The following SEMA6D variants were observed in gnomAD, a reference collection of about 807,000 sequenced individuals.
SEMA6D encodes semaphorin-6D.
In SEMA6D, 35 loss-of-function variants were observed where a neutral mutation model predicts 106.6. That is an observed-to-expected ratio of 0.33 (90% CI 0.25 to 0.44). The LOEUF (loss-of-function observed/expected upper bound fraction) is 0.44, where lower values mean the gene tolerates loss of function less well. Among genes scored for constraint, SEMA6D ranks in the 20% least tolerant of loss-of-function variants. SEMA6D has a pLI of 1.00. For missense variants in SEMA6D, 1,185 were observed against 1,345.9 expected (o/e 0.88, Z 1.87); for synonymous variants, 499 against 487.7 (o/e 1.02, Z -0.31).
At chr15:47,233,882 C>CT (rs958087080) in intron 1 of SEMA6D, among the ~76,000 whole-genome samples, 1 of 151,906 alleles carries the variant, frequency 6.6e-6, no homozygotes, top group Non-Finnish European at 1.5e-5. Context: ...TTTACCTCTT[C>CT]TTTTTCAAAC....
At chr15:47,633,195 T>C (rs1034588444) in intron 4 of SEMA6D, among the ~76,000 whole-genome samples, 4 of 152,160 alleles carry the variant, frequency 2.6e-5, no homozygotes, top group Non-Finnish European at 5.9e-5. Flanking sequence ...GTTATTCTTA[T>C]GTTATATTTA....
intron 1 of SEMA6D, chr15:47,730,461 C>T (rs758904962): frequency 4.1e-5 from 55 of 1,353,638 alleles, no homozygotes; most frequent in Non-Finnish European, 5.1e-5. Flanking sequence ...ATGGGATCCA[C>T]GTCGTGTGCA....
At chr15:47,383,497 A>C (rs1365699163) in intron 1 of SEMA6D, among the ~76,000 whole-genome samples, 1 of 152,144 alleles carries the variant, frequency 6.6e-6, no homozygotes, top group Non-Finnish European at 1.5e-5. Context: ...ATACTCTTTC[A>C]CTTTGAGATC....
intron 4 of SEMA6D, among the ~76,000 whole-genome samples, chr15:47,627,532 T>G (rs2077224109): frequency 6.6e-6 from 1 of 152,152 alleles, no homozygotes; most frequent in Admixed American, 6.5e-5. Context: ...ATGGTGAGAA[T>G]TTATGCTATA....
intron 3 of SEMA6D, among the ~76,000 whole-genome samples, chr15:47,514,145 C>G (rs1249033436): frequency 2.0e-5 from 3 of 152,158 alleles, no homozygotes; most frequent in Non-Finnish European, 4.4e-5. Flanking sequence ...AACACTCAGT[C>G]CAGAGGAACT....
chr15:47,561,780 CTG>C (rs1044143154), intron 3 of SEMA6D, among the ~76,000 whole-genome samples: 6 of 151,590 alleles, frequency 4.0e-5, no homozygotes, highest in African/African-American at 1.2e-4. Flanking sequence ...AATTAAAACA[CTG>C]TGTTGGGTTT....
At chr15:47,385,706 A>G (rs2039813739) in intron 1 of SEMA6D, among the ~76,000 whole-genome samples, 1 of 152,202 alleles carries the variant, frequency 6.6e-6, no homozygotes, top group Non-Finnish European at 1.5e-5. Flanking sequence ...AAGAATTATC[A>G]AGAATTATAT....
chr15:47,560,999 C>T (rs975032721), intron 3 of SEMA6D, among the ~76,000 whole-genome samples: 3 of 151,424 alleles, frequency 2.0e-5, no homozygotes, highest in Admixed American at 2.0e-4. Flanking sequence ...TAAATTTCTG[C>T]TTAAATCACC....
chr15:47,395,272 G>A (rs755457077), intron 1 of SEMA6D, among the ~76,000 whole-genome samples: 1 of 152,122 alleles, frequency 6.6e-6, no homozygotes, highest in Non-Finnish European at 1.5e-5. Flanking sequence ...AAACACTTCT[G>A]CTTTTGGGGA....
intron 1 of SEMA6D, among the ~76,000 whole-genome samples, chr15:47,326,240 A>G (rs2143879989): frequency 6.6e-6 from 1 of 152,354 alleles, no homozygotes. Context: ...TCAAATCAGA[A>G]CAAATGTAAG....
At chr15:47,297,197 A>G (rs983512420) in intron 1 of SEMA6D, among the ~76,000 whole-genome samples, 5 of 152,294 alleles carry the variant, frequency 3.3e-5, no homozygotes, top group African/African-American at 1.2e-4. Flanking sequence ...TATATTTTAA[A>G]ATATATATTT....
chr15:47,186,950 A>T (rs1385484156), intron 1 of SEMA6D, among the ~76,000 whole-genome samples: 1 of 152,210 alleles, frequency 6.6e-6, no homozygotes, highest in East Asian at 1.9e-4. Flanking sequence ...TCATTGAAGT[A>T]TGCATGACTT....
At chr15:47,719,779 C>G (rs1049243900) in intron 1 of SEMA6D, among the ~76,000 whole-genome samples, 1 of 152,188 alleles carries the variant, frequency 6.6e-6, no homozygotes, top group Non-Finnish European at 1.5e-5. Flanking sequence ...TACTGGTTTA[C>G]TCTTGCTGTT....
At chr15:47,734,672 C>T (rs1028816185) in intron 1 of SEMA6D, among the ~76,000 whole-genome samples, 16 of 152,288 alleles carry the variant, frequency 1.1e-4, no homozygotes, top group African/African-American at 3.8e-4. Flanking sequence ...AGGCAGACTA[C>T]ACATGGTCTC....
At chr15:47,472,930 C>T (rs1479539955) in intron 3 of SEMA6D, among the ~76,000 whole-genome samples, 1 of 152,180 alleles carries the variant, frequency 6.6e-6, no homozygotes, top group Admixed American at 6.5e-5. Context: ...GAGCAAATGA[C>T]ACCCATTTTT....
chr15:47,704,809 T>G lies in SEMA6D; in HGVS notation c.-54-54936T>G, dbSNP rs2078882400. 2.0e-5 allele frequency among the ~76,000 whole-genome samples: 3 copies of G among 152,346 alleles called. No homozygotes were observed. In the South Asian group the frequency reaches 6.2e-4, roughly 32 times the overall value. On this transcript the variant is annotated intron_variant, in intron 4 of 19. Coordinates refer to the SEMA6D transcript ENST00000558014. ...ATTGATGATTGATATCCATGGCTCT[T>G]ATTTTCTTTTAAAAAAAGGATTCTT...
intron 2 of SEMA6D, among the ~76,000 whole-genome samples, chr15:47,422,180 G>GCCTGCCTTCCTTCCTTCCTTCCTT (rs1455030787): frequency 7.5e-4 from 85 of 112,854 alleles, no homozygotes; most frequent in African/African-American, 1.5e-3. Flanking sequence ...CCGCCTGCCT[G>GCCTGCCTTCCTTCCTTCCTTCCTT]CCTTCCTTCC....
Position 47,348,727 on chromosome 15 carries a change from CAGAGAGAGAGAGAG to C in SEMA6D, c.-238-63640_-238-63627del, listed in dbSNP as rs55719976. ...CACACACACACACACACCACACACACAGAGAGAGAGAGAGAGAGAGAGAGAGAGAGAGAGAGAGA... is the reference window on the plus strand; with the variant it reads ...CACACACACACACACACCACACACACAGAGAGAGAGAGAGAGAGAGAGAGA... On this transcript the variant is annotated intron_variant, in intron 1 of 19. Coordinates refer to the SEMA6D transcript ENST00000558014. Among the ~76,000 whole-genome samples, 70 of 57,120 alleles carry C rather than the reference CAGAGAGAGAGAGAG, an allele frequency of 1.2e-3. 1 individual carries two copies. The highest frequency in any genetic ancestry group is 3.3e-3 in the African/African-American group (66 of 20,218). The allele number at this position is 57,120 out of a possible 152,430, so 37.5% of individuals were successfully genotyped here.
At chr15:47,241,528 C>T (rs1209482681) in intron 1 of SEMA6D, among the ~76,000 whole-genome samples, 2 of 151,996 alleles carry the variant, frequency 1.3e-5, no homozygotes, top group African/African-American at 4.8e-5. Context: ...CTTTCTCTCC[C>T]CTAGCTGATT....
Sources: gnomAD v4.1 joint callset for allele counts (sites outside exome capture counted in the v4.1 genomes callset) on GRCh38, gnomAD v4.1.1 for gene constraint, MANE v1.5 for transcripts, NCBI Gene and HGNC (gene_info 2026-07-23, HGNC 2026-07-21) for gene names.